Variants in CEP128 observed in about 807,000 individuals in gnomAD.
CEP128 encodes centrosomal protein 128, also known as centrosomal protein 128kDa.
A neutral mutation model predicts 156.7 loss-of-function variants in CEP128; 132 were observed. The ratio of observed to expected loss-of-function variants is 0.84; its 90% CI spans 0.73 to 0.97. The LOEUF (loss-of-function observed/expected upper bound fraction) is 0.97, where lower values mean the gene tolerates loss of function less well. CEP128 is among the 50% of genes least tolerant of loss of function. CEP128 has a pLI of 0.00. For missense variants in CEP128, 1,252 were observed against 1,281.9 expected (o/e 0.98, Z 0.36); for synonymous variants, 469 against 448.9 (o/e 1.04, Z -0.57).
downstream of CEP128, among the ~76,000 whole-genome samples, chr14:80,489,874 G>T (rs1189592700): frequency 7.1e-6 from 1 of 140,808 alleles, no homozygotes; most frequent in Non-Finnish European, 1.5e-5. Context: ...GTATTTCTTT[G>T]TATCTGACAT....
At chr14:80,696,405 T>G (rs2139336677) in intron 19 of CEP128, among the ~76,000 whole-genome samples, 1 of 152,164 alleles carries the variant, frequency 6.6e-6, no homozygotes, top group African/African-American at 2.4e-5. Flanking sequence ...ACTTAAAACA[T>G]CAGGGTAGAG....
At chr14:80,672,813 TA>T (rs1397674793) in intron 19 of CEP128, among the ~76,000 whole-genome samples, 2 of 152,182 alleles carry the variant, frequency 1.3e-5, no homozygotes, top group African/African-American at 4.8e-5. Context: ...GGGATAATAA[TA>T]TATTTACATA....
chr14:80,959,462 A>G (rs1263434102), exon 1 of CEP128: 1 of 152,208 alleles, frequency 6.6e-6, no homozygotes, highest in African/African-American at 2.4e-5. Context: ...GCCTCTGTGC[A>G]TGAGAAGATC....
chr14:80,894,204 A>G (rs1020043197), intron 8 of CEP128, among the ~76,000 whole-genome samples: 1 of 152,004 alleles, frequency 6.6e-6, no homozygotes, highest in Non-Finnish European at 1.5e-5. Context: ...ATAAAAATGA[A>G]AAGAAACAAG....
At chr14:80,930,601 G>A (rs974052900) in intron 2 of CEP128, among the ~76,000 whole-genome samples, 1 of 152,128 alleles carries the variant, frequency 6.6e-6, no homozygotes, top group East Asian at 1.9e-4. Flanking sequence ...CAGGTGATTC[G>A]CCTTCTCCAA....
chr14:80,856,977 A>T (rs112179295), intron 9 of CEP128, among the ~76,000 whole-genome samples: 12,746 of 151,026 alleles, frequency 0.084, 611 homozygotes, highest in African/African-American at 0.12. Flanking sequence ...CAAACTCCTG[A>T]TCTCGAGTGA....
chr14:80,582,565 A>T (rs866984336), intron 19 of CEP128, among the ~76,000 whole-genome samples: 1 of 151,994 alleles, frequency 6.6e-6, no homozygotes, highest in South Asian at 2.1e-4. Context: ...CCTAGCTTAG[A>T]TCTCTTGCCT....
chr14:80,561,167 T>C (rs556867015), intron 20 of CEP128, among the ~76,000 whole-genome samples: 14 of 152,310 alleles, frequency 9.2e-5, no homozygotes, highest in African/African-American at 3.4e-4. Context: ...ATTTCCACCC[T>C]GTAAACATTT....
intron 6 of CEP128, among the ~76,000 whole-genome samples, chr14:80,902,450 T>G (rs964505247): frequency 1.3e-5 from 2 of 152,190 alleles, no homozygotes; most frequent in Admixed American, 1.3e-4. Context: ...TTTGATTGTG[T>G]TGTCTCGTTA....
intron 2 of CEP128, among the ~76,000 whole-genome samples, chr14:80,948,542 T>A (rs867376234): frequency 4.6e-5 from 7 of 152,206 alleles, no homozygotes; most frequent in Non-Finnish European, 7.4e-5. Context: ...AAGGGGCTAG[T>A]GGAATGCTCC....
intron 19 of CEP128, among the ~76,000 whole-genome samples, chr14:80,675,688 T>C (rs1408111344): frequency 1.3e-5 from 2 of 152,106 alleles, no homozygotes; most frequent in Non-Finnish European, 2.9e-5. Flanking sequence ...TTGGTCTCTT[T>C]GCTTTTTTGT....
rs780273015 is a variant in CEP128 at position 80,852,040 on chromosome 14, CAGA to C, written c.762+10714_762+10716del. Among the ~76,000 whole-genome samples, 5 of 151,954 alleles carry C rather than the reference CAGA, an allele frequency of 3.3e-5. No homozygotes were observed. In the East Asian group the frequency reaches 5.8e-4, roughly 18 times the overall value. On this transcript the variant is annotated intron_variant, in intron 9 of 24. Transcript: ENST00000555265. Reference sequence around the variant, plus strand: ...TATATGTACTAAGAAAACAGAAGAACAGAACAACAAAATTCACAAATGACCTAT... The same window carrying C: ...TATATGTACTAAGAAAACAGAAGAACACAACAAAATTCACAAATGACCTAT...
At position 80,789,808 on chromosome 14, in the gene CEP128, A is replaced by G. The variant is rs1901608349; in HGVS notation, c.1560+2952T>C. On this transcript the variant is annotated intron_variant, in intron 14 of 24. Transcript: ENST00000555265. ...CGTGAATACAAAGTATTATATACGCAGTTTGGTTTTTTTTTTTTAACTAAC... is the reference window on the plus strand; with the variant it reads ...CGTGAATACAAAGTATTATATACGCGGTTTGGTTTTTTTTTTTTAACTAAC... 4.7e-5 allele frequency among the ~76,000 whole-genome samples: 7 copies of G among 148,904 alleles called. No individual in the cohort carries two copies. The South Asian group carries it at 1.5e-3, about 31-fold the overall frequency.
chr14:80,832,531 G>T (rs979642756), intron 12 of CEP128, among the ~76,000 whole-genome samples: 1 of 124,822 alleles, frequency 8.0e-6, no homozygotes, highest in Non-Finnish European at 1.8e-5. Flanking sequence ...ATTTCAATAG[G>T]ATGATAAGAG....
At chr14:80,846,750 A>G (rs904111215) in intron 9 of CEP128, among the ~76,000 whole-genome samples, 29 of 152,318 alleles carry the variant, frequency 1.9e-4, no homozygotes, top group Admixed American at 1.0e-3. Flanking sequence ...TTAATTATAT[A>G]GAAATCAGAT....
chr14:80,643,641 CGAAGGTT>C (rs1894513672), intron 19 of CEP128, among the ~76,000 whole-genome samples: 1 of 151,806 alleles, frequency 6.6e-6, no homozygotes, highest in Non-Finnish European at 1.5e-5. Context: ...ACCTGGGAAG[CGAAGGTT>C]ACAGTGAGCT....
At chr14:80,788,865 C>T (rs1183041457) in intron 14 of CEP128, among the ~76,000 whole-genome samples, 2 of 152,138 alleles carry the variant, frequency 1.3e-5, no homozygotes, top group Admixed American at 1.3e-4. Context: ...AATGGCTTAA[C>T]CCACAAGAAA....
At chr14:80,581,378 G>A (rs564470529) in intron 19 of CEP128, among the ~76,000 whole-genome samples, 62 of 152,182 alleles carry the variant, frequency 4.1e-4, no homozygotes, top group Non-Finnish European at 8.2e-4. Context: ...ATCCCAGAAA[G>A]GCAAACTCAA....
intron 23 of CEP128, among the ~76,000 whole-genome samples, chr14:80,524,091 G>C (rs527238240): frequency 1.3e-5 from 2 of 152,354 alleles, no homozygotes; most frequent in East Asian, 3.9e-4. Flanking sequence ...GTGTCTGTTA[G>C]AAGTAAGGTA....
Sources: allele counts gnomAD v4.1 joint callset (sites outside exome capture counted in the v4.1 genomes callset), GRCh38; gene constraint gnomAD v4.1.1; transcripts MANE v1.5; gene names NCBI Gene and HGNC (gene_info 2026-07-23, HGNC 2026-07-21).